Variants in AFF4 observed in about 807,000 individuals in gnomAD.
AFF4 encodes AF4/FMR2 family member 4.
Under a neutral mutation model 124.8 loss-of-function variants are expected in AFF4, and 13 were observed. The observed-to-expected ratio is 0.10, with a 90% CI of 0.07 to 0.17. The LOEUF (loss-of-function observed/expected upper bound fraction) is 0.17, where lower values mean the gene tolerates loss of function less well. Ranked by LOEUF, AFF4 falls within the 10% of genes least tolerant of loss-of-function variation. The pLI is 1.00. For synonymous variants in AFF4, 477 were observed against 496.1 expected, an observed-to-expected ratio of 0.96 and a Z score of 0.51; for missense variants, 1,092 against 1,403.8, an observed-to-expected ratio of 0.78 and a Z score of 3.55.
chr5:132,950,374 C>T (rs1761813239), intron 1 of AFF4, among the ~76,000 whole-genome samples: 2 of 152,242 alleles, frequency 1.3e-5, no homozygotes, highest in Non-Finnish European at 2.9e-5. Context: ...ACCTGGGAGG[C>T]TGAGGCAGGA....
At chr5:132,943,013 G>T (rs1465825385) in intron 1 of AFF4, 2 of 214,666 alleles carry the variant, frequency 9.3e-6, no homozygotes, top group South Asian at 8.3e-5. Flanking sequence ...TGGTGGCACT[G>T]ATGACAGTTC....
intron 1 of AFF4, 98 bp from the exon 2 acceptor site, chr5:132,937,291 C>T (rs1761454689): frequency 1.5e-6 from 2 of 1,378,620 alleles, no homozygotes; most frequent in South Asian, 3.2e-5. Flanking sequence ...TCACAGATTC[C>T]CTTTTGACCT....
At chr5:132,954,704 C>T (rs1295265319) in intron 1 of AFF4, among the ~76,000 whole-genome samples, 12 of 151,846 alleles carry the variant, frequency 7.9e-5, no homozygotes, top group African/African-American at 2.4e-4. Context: ...CCCGCCACTA[C>T]GCCTGGCTAA....
intron 1 of AFF4, among the ~76,000 whole-genome samples, chr5:132,959,023 G>C (rs188823516): frequency 1.3e-5 from 2 of 152,236 alleles, no homozygotes; most frequent in African/African-American, 4.8e-5. Flanking sequence ...CCACTAATAA[G>C]CTACGTTTCC....
intron 3 of AFF4, among the ~76,000 whole-genome samples, chr5:132,932,721 G>A (rs529926540): frequency 1.3e-5 from 2 of 152,128 alleles, no homozygotes; most frequent in Non-Finnish European, 2.9e-5. Context: ...AAGCATAAAT[G>A]GGTTAAACAA....
At chr5:132,932,311 T>C in intron 3 of AFF4, 89 bp from the exon 4 acceptor site, 3 of 1,083,104 alleles carry the variant, frequency 2.8e-6, no homozygotes, top group Non-Finnish European at 4.1e-6. Context: ...TAAAAGTATT[T>C]ATGACCCCAC....
intron 7 of AFF4, chr5:132,901,092 A>G (rs1561487025): frequency 2.0e-6 from 2 of 985,336 alleles, no homozygotes; most frequent in African/African-American, 1.7e-5. Flanking sequence ...GTTTTCTTTC[A>G]GACAGGGGCT....
chr5:132,958,710 G>A (rs563058923), intron 1 of AFF4, among the ~76,000 whole-genome samples: 5 of 152,118 alleles, frequency 3.3e-5, no homozygotes, highest in Non-Finnish European at 7.4e-5. Context: ...CAGAGTATTG[G>A]CTGGTACTCA....
At chr5:132,900,560 A>T (rs1345050829) in intron 7 of AFF4, among the ~76,000 whole-genome samples, 1 of 152,128 alleles carries the variant, frequency 6.6e-6, no homozygotes, top group African/African-American at 2.4e-5. Flanking sequence ...ACTCTGTCTC[A>T]AAAAAACAAA....
In AFF4 at chr5:132,892,331, G is replaced by T; in HGVS notation, c.2470C>A (p.Pro824Thr). Residue 824 changes from proline to threonine, a missense_variant, in exon 13 of 21, where the codon CCA becomes ACA. By Grantham distance (38) the Pro-to-Thr change is conservative (BLOSUM62 -1). Coordinates refer to ENST00000265343, the MANE Select transcript of AFF4 (RefSeq NM_014423.4). ...TTCCGAGAGCCATGCTCTGTTTTTGGATCTTTTGAAGGAACAGGCCCAGCG... is the reference window on the plus strand; with the variant it reads ...TTCCGAGAGCCATGCTCTGTTTTTGTATCTTTTGAAGGAACAGGCCCAGCG... ...SPAGPVPSKD[P>T]KTEHGSRKRT... 1 of 1,614,032 alleles carries T rather than the reference G, an allele frequency of 6.2e-7. No homozygotes were observed. Among genetic ancestry groups the T allele is most frequent in the South Asian group, 1.1e-5 (1 of 91,074 alleles).
chr5:132,919,228 C>G (rs1455015954), intron 5 of AFF4, among the ~76,000 whole-genome samples: 1 of 152,250 alleles, frequency 6.6e-6, no homozygotes, highest in East Asian at 1.9e-4. Context: ...AAAGTCAAAT[C>G]TACTTTGAAA....
chr5:132,892,769 T>C (rs1581274623), intron 12 of AFF4, among the ~76,000 whole-genome samples: 2 of 152,012 alleles, frequency 1.3e-5, no homozygotes, highest in Non-Finnish European at 2.9e-5. Flanking sequence ...GAAAGTGGCA[T>C]AGCTTTACTT....
At chr5:132,921,276 T>A (rs1209437419) in intron 5 of AFF4, among the ~76,000 whole-genome samples, 1 of 151,996 alleles carries the variant, frequency 6.6e-6, no homozygotes. Context: ...AGATACTCTG[T>A]CTCTAGAGAA....
Position 132,883,001 on chromosome 5 carries a change from C to T in AFF4, c.3364+339G>A, listed in dbSNP as rs556913379. On this transcript the variant is annotated intron_variant, in intron 20 of 20. Coordinates refer to ENST00000265343, the MANE Select transcript of AFF4 (RefSeq NM_014423.4). ...ACAGATGTTTGGATGTAATCTTATG[C>T]CTATTGCCAAATTTACTGTTAACCA... 3.3e-5 allele frequency among the ~76,000 whole-genome samples: 5 copies of T among 152,130 alleles called. No individual in the cohort carries two copies. In the South Asian group the frequency reaches 8.3e-4, roughly 25 times the overall value.
chr5:132,916,097 G>A (rs1760902346), intron 5 of AFF4, among the ~76,000 whole-genome samples: 1 of 151,942 alleles, frequency 6.6e-6, no homozygotes, highest in East Asian at 1.9e-4. Flanking sequence ...AATTATCTGG[G>A]TGTGGTGGCG....
intron 3 of AFF4, among the ~76,000 whole-genome samples, chr5:132,933,316 G>C (rs886645682): frequency 8.6e-5 from 13 of 151,804 alleles, no homozygotes; most frequent in Non-Finnish European, 1.9e-4. Context: ...AGAATCGCTT[G>C]AACCTGGGAG....
chr5:132,887,441 AACATT>A, intron 17 of AFF4, 75 bp downstream of exon 17: 1 of 1,302,354 alleles, frequency 7.7e-7, no homozygotes, highest in Non-Finnish European at 1.1e-6. Context: ...ATTCAAGGAA[AACATT>A]CAGAAGAGCA....
intron 5 of AFF4, among the ~76,000 whole-genome samples, chr5:132,916,002 C>G (rs765043354): frequency 1.3e-5 from 2 of 151,726 alleles, no homozygotes; most frequent in Non-Finnish European, 2.9e-5. Flanking sequence ...CATCTGTAAC[C>G]CCAGTACTTT....
At chr5:132,916,146 G>GGA (rs1280401616) in intron 5 of AFF4, among the ~76,000 whole-genome samples, 1 of 149,102 alleles carries the variant, frequency 6.7e-6, no homozygotes, top group East Asian at 2.0e-4. Flanking sequence ...GCTGAAACAG[G>GGA]GAGAATCACT....
Sources: allele counts gnomAD v4.1 joint callset (sites outside exome capture counted in the v4.1 genomes callset), GRCh38; gene constraint gnomAD v4.1.1; transcripts MANE v1.5; gene names NCBI Gene and HGNC (gene_info 2026-07-23, HGNC 2026-07-21).